The following LMX1B variants were observed in gnomAD, a reference collection of about 807,000 sequenced individuals.
LMX1B encodes LIM homeobox transcription factor 1-beta.
In LMX1B, 12 loss-of-function variants were observed where a neutral mutation model predicts 51.4. That is an observed-to-expected ratio of 0.23 (90% confidence interval 0.15 to 0.38). The LOEUF (loss-of-function observed/expected upper bound fraction) is 0.38. LMX1B is among the 10% of genes least tolerant of loss of function. The pLI is 1.00. For missense variants in LMX1B, 445 were observed against 571.1 expected (o/e 0.78, Z 2.25); for synonymous variants, 237 against 235.4 (o/e 1.01, Z -0.06).
At chr9:126,624,551 G>A (rs1835482316) in intron 2 of LMX1B, among the ~76,000 whole-genome samples, 1 of 152,216 alleles carries the variant, frequency 6.6e-6, no homozygotes, top group African/African-American at 2.4e-5. Context: ...AGCTCCTGGA[G>A]GCAACCAGGC....
Position 126,658,055 on chromosome 9 carries a change from T to C in LMX1B, c.327-32781T>C, listed in dbSNP as rs10739682. 0.42 allele frequency among the ~76,000 whole-genome samples: 64,096 copies of C among 151,668 alleles called. 14,598 individuals are homozygous for C. The highest frequency in any genetic ancestry group is 0.54 in the African/African-American group (22,103 of 41,302). ...TTGCTTGGGGGAATAAGCAGTGGGA[T>C]GGGGAGGTCTTAGAAGAGGGGCCAA... On this transcript the variant is annotated intron_variant, in intron 2 of 7. Coordinates refer to ENST00000373474, the MANE Select transcript of LMX1B (RefSeq NM_001174147.2). This position sits in a 1 kb window ranked among gnomAD's most constrained non-coding sequence, Gnocchi z 4.0.
intron 2 of LMX1B, among the ~76,000 whole-genome samples, chr9:126,631,084 T>G (rs1835625060): frequency 1.3e-5 from 2 of 152,196 alleles, no homozygotes; most frequent in South Asian, 4.1e-4. Flanking sequence ...GGCAGGGCAG[T>G]GGCCCCCCTG....
chr9:126,614,177 C>T lies in LMX1B; in HGVS notation c.-273C>T, dbSNP rs971152214. Among the ~76,000 whole-genome samples the T allele has an allele frequency of 1.2e-4, 18 of 145,446 alleles. No homozygotes were observed. The highest frequency in any genetic ancestry group is 7.0e-3 in the Middle Eastern group (2 of 286). ...TGCAGCAGCCGCCGCCGCCGGGTTC[C>T]GGGACTGACAAGCAGGTGACAGAGG... On this transcript the variant is annotated 5_prime_UTR_variant, in exon 1 of 8. Coordinates refer to ENST00000373474, the MANE Select transcript of LMX1B (RefSeq NM_001174147.2).
At chr9:126,633,911 T>A (rs1835671966) in intron 2 of LMX1B, among the ~76,000 whole-genome samples, 1 of 152,114 alleles carries the variant, frequency 6.6e-6, no homozygotes, top group African/African-American at 2.4e-5. Flanking sequence ...AAAGGGGTAG[T>A]CGGCAGTCCA....
rs916242236 is a variant in LMX1B at position 126,671,873 on chromosome 9, C to T, written c.327-18963C>T. On this transcript the variant is annotated intron_variant, in intron 2 of 7. Coordinates refer to ENST00000373474, the MANE Select transcript of LMX1B (RefSeq NM_001174147.2). The surrounding 1 kb of genome is among the most constrained non-coding windows in gnomAD (Gnocchi z 4.4). ...GGCCAGGCCTCCACTCCCCTCCCTC[C>T]AGAGGGGCAGAGAGGGAATAGAGGT... 3.3e-5 allele frequency among the ~76,000 whole-genome samples: 5 copies of T among 152,376 alleles called. 1 individual carries two copies. Among genetic ancestry groups the T allele is most frequent in the Middle Eastern group, 6.8e-3 (2 of 294 alleles).
chr9:126,624,702 A>G (rs1160670887), intron 2 of LMX1B, among the ~76,000 whole-genome samples: 1 of 150,574 alleles, frequency 6.6e-6, no homozygotes, highest in African/African-American at 2.4e-5. Flanking sequence ...CAGGGGGGAA[A>G]TGTGGTTGTA....
chr9:126,633,329 G>A (rs118025029), intron 2 of LMX1B, among the ~76,000 whole-genome samples: 1 of 152,208 alleles, frequency 6.6e-6, no homozygotes, highest in South Asian at 2.1e-4. Flanking sequence ...TCTGCCCAGG[G>A]TACCTCCAAG....
chr9:126,692,980 C>A (rs2030186993), intron 3 of LMX1B, among the ~76,000 whole-genome samples, 162 bp from the exon 4 acceptor site: 1 of 152,192 alleles, frequency 6.6e-6, no homozygotes, highest in Non-Finnish European at 1.5e-5. Context: ...GGCCTGTGGG[C>A]CACGGGAGGG....
chr9:126,624,283 G>A (rs1835477796), intron 2 of LMX1B, among the ~76,000 whole-genome samples: 2 of 152,158 alleles, frequency 1.3e-5, no homozygotes, highest in African/African-American at 4.8e-5. Context: ...GGCCTTACGC[G>A]GTCCAGAAAG....
intron 2 of LMX1B, among the ~76,000 whole-genome samples, chr9:126,682,894 G>GGA (rs768290249): frequency 1.2e-5 from 1 of 86,140 alleles, no homozygotes; most frequent in Non-Finnish European, 2.2e-5. Flanking sequence ...CACTCTGTCT[G>GGA]AAAAAAAAAA....
At chr9:126,646,531 T>G (rs796526464) in intron 2 of LMX1B, among the ~76,000 whole-genome samples, 1 of 152,220 alleles carries the variant, frequency 6.6e-6, no homozygotes, top group South Asian at 2.1e-4. Context: ...AGGCATCACC[T>G]GCCCTCGGGG....
intron 4 of LMX1B, 26 bp from the exon 5 acceptor site, chr9:126,693,498 G>A (rs1588307397): frequency 6.2e-7 from 1 of 1,612,358 alleles, no homozygotes; most frequent in East Asian, 2.2e-5. Flanking sequence ...TGGAGGGCCT[G>A]ACCTGTTCCC....
At chr9:126,637,465 T>G (rs765033616) in intron 2 of LMX1B, among the ~76,000 whole-genome samples, 1 of 151,444 alleles carries the variant, frequency 6.6e-6, no homozygotes, top group Non-Finnish European at 1.5e-5. Context: ...TGCGTGTGCA[T>G]TTGTGTGTGG....
intron 2 of LMX1B, among the ~76,000 whole-genome samples, chr9:126,647,431 T>C (rs921102752): frequency 1.3e-5 from 2 of 152,158 alleles, no homozygotes; most frequent in African/African-American, 4.8e-5. Context: ...TTTGGCAGCT[T>C]GCATTTTTCA....
At chr9:126,634,106 T>C (rs1434867389) in intron 2 of LMX1B, among the ~76,000 whole-genome samples, 1 of 152,192 alleles carries the variant, frequency 6.6e-6, no homozygotes, top group African/African-American at 2.4e-5. Flanking sequence ...GAAGGACCCC[T>C]GCTCCAGGCA....
At chr9:126,640,169 C>T (rs1835783080) in intron 2 of LMX1B, among the ~76,000 whole-genome samples, 1 of 152,170 alleles carries the variant, frequency 6.6e-6, no homozygotes, top group Admixed American at 6.5e-5. Flanking sequence ...CCCTTTGGGC[C>T]CTGGGTCCCA....
At chr9:126,675,116 G>C (rs1167229994) in intron 2 of LMX1B, among the ~76,000 whole-genome samples, 2 of 152,062 alleles carry the variant, frequency 1.3e-5, no homozygotes, top group Non-Finnish European at 1.5e-5. Context: ...ATTAGCGTTT[G>C]TATAAAAAAG....
rs1167735856 is a variant in LMX1B at position 126,626,810 on chromosome 9, C to T, written c.326+11241C>T. Among the ~76,000 whole-genome samples the T allele has an allele frequency of 6.6e-6, 1 of 152,062 alleles. No homozygotes were observed. Among genetic ancestry groups the T allele is most frequent in the African/African-American group, 2.4e-5 (1 of 41,418 alleles). On this transcript the variant is annotated intron_variant, in intron 2 of 7. Transcript: ENST00000373474. This position sits in a 1 kb window ranked among gnomAD's most constrained non-coding sequence, Gnocchi z 4.3. The stretch of plus-strand genomic sequence containing the variant: ...CAGCCCCGCGGCGGTGATTTGTGTG[C>T]GGGGGTCTGTGACCCTGCAAGCATC...
At position 126,618,124 on chromosome 9, in the gene LMX1B, C is replaced by G; in HGVS notation, c.326+2555C>G. Among the ~76,000 whole-genome samples, 1 of 152,106 alleles carries G rather than the reference C, an allele frequency of 6.6e-6. No individual in the cohort carries two copies. The highest frequency in any genetic ancestry group is 1.5e-5 in the Non-Finnish European group (1 of 68,012). On this transcript the variant is annotated intron_variant, in intron 2 of 7. Coordinates refer to ENST00000373474, the MANE Select transcript of LMX1B (RefSeq NM_001174147.2). The surrounding 1 kb of genome is among the most constrained non-coding windows in gnomAD (Gnocchi z 4.5). ...CGTAAATGCTTTTCAGACAGGAATCCAAGCAAGCGGGCGCAGAAACGTGCC... is the reference window on the plus strand; with the variant it reads ...CGTAAATGCTTTTCAGACAGGAATCGAAGCAAGCGGGCGCAGAAACGTGCC...
Sources: gnomAD v4.1 joint callset for allele counts (sites outside exome capture counted in the v4.1 genomes callset) on GRCh38, gnomAD v4.1.1 for gene constraint, Gnocchi (gnomAD v3.1) non-coding constraint, MANE v1.5 for transcripts, NCBI Gene and HGNC (gene_info 2026-07-23, HGNC 2026-07-21) for gene names.